Variants in CRB1 observed in about 807,000 individuals in gnomAD.
CRB1 encodes crumbs cell polarity complex component 1.
Under a neutral mutation model 120.0 loss-of-function variants are expected in CRB1, and 83 were observed. That is an observed-to-expected ratio of 0.69 (90% CI 0.58 to 0.83). The LOEUF (loss-of-function observed/expected upper bound fraction) is 0.83. CRB1 is among the 40% of genes least tolerant of loss of function. The pLI, the probability that CRB1 is intolerant of heterozygous loss-of-function variation, is 0.00. For missense variants in CRB1, 1,699 were observed against 1,687.6 expected, an observed-to-expected ratio of 1.01 and a Z score of -0.12; for synonymous variants, 625 against 612.5, an observed-to-expected ratio of 1.02 and a Z score of -0.30.
At chr1:197,455,541 T>C (rs1178405516) in intron 11 of CRB1, among the ~76,000 whole-genome samples, 1 of 152,146 alleles carries the variant, frequency 6.6e-6, no homozygotes, top group Non-Finnish European at 1.5e-5. Context: ...TTTTATAACT[T>C]ACATTGCCTT....
intron 1 of CRB1, among the ~76,000 whole-genome samples, chr1:197,271,654 T>C (rs760652835): frequency 4.6e-5 from 7 of 152,206 alleles, no homozygotes; most frequent in Non-Finnish European, 1.0e-4. Flanking sequence ...GAGAAACTTA[T>C]TAGAGTGAGA....
rs778669324 is a variant in CRB1, at chr1:197,435,466, A to T, written c.3603A>T (p.Thr1201=). 28 of 1,598,700 alleles carry T rather than the reference A, an allele frequency of 1.8e-5. No homozygotes were observed. Among genetic ancestry groups the T allele is most frequent in the Non-Finnish European group, 2.3e-5 (27 of 1,172,022 alleles). ...ACAGAGTTGCAGCCTACCACTGCAC[A>T]TGTGAGCCTGGATACACTGGTGTGA... ...CSDRVAAYHC[T]CEPGYTGVNC... Residue 1201 remains threonine, a synonymous_variant, in exon 9 of 12, where the codon ACA becomes ACT. Coordinates refer to ENST00000367400, the MANE Select transcript of CRB1 (RefSeq NM_201253.3).
chr1:197,438,690 A>G lies in CRB1; in HGVS notation c.3878+15A>G, dbSNP rs200217112. ...ACTGGAGAATGGTGAGTCACATTAG[A>G]GCCTTCTGGAAGAGAATTCTGAGCT... On this transcript the variant is annotated intron_variant, in intron 10 of 11. Coordinates refer to ENST00000367400, the MANE Select transcript of CRB1 (RefSeq NM_201253.3). 6.2e-7 allele frequency: 1 copy of G among 1,611,100 alleles called. No homozygotes were observed. Among genetic ancestry groups the G allele is most frequent in the South Asian group, 1.1e-5 (1 of 91,024 alleles).
At chr1:197,216,080 C>T in the CRB1 span, among the ~76,000 whole-genome samples, 1 of 152,172 alleles carries the variant, frequency 6.6e-6, no homozygotes, top group Non-Finnish European at 1.5e-5. Flanking sequence ...TGCCTCCCAT[C>T]TGGCCTTCTG....
chr1:197,228,465 A>G, the CRB1 span, among the ~76,000 whole-genome samples: 9 of 152,202 alleles, frequency 5.9e-5, no homozygotes, highest in Admixed American at 3.9e-4. Context: ...TTGCTAAAAC[A>G]TAGCAAGAGT....
At chr1:197,290,583 C>A (rs1223211623) in intron 1 of CRB1, among the ~76,000 whole-genome samples, 1 of 151,664 alleles carries the variant, frequency 6.6e-6, no homozygotes, top group African/African-American at 2.4e-5. Context: ...CCTCTATCAG[C>A]CAACAGGACA....
chr1:197,476,670 A>G (rs1418236546), intron 11 of CRB1, among the ~76,000 whole-genome samples: 1 of 152,136 alleles, frequency 6.6e-6, no homozygotes, highest in Non-Finnish European at 1.5e-5. Context: ...TAAGGATAGA[A>G]AAGATATTTA....
chr1:197,269,844 C>T (rs1009892479), intron 1 of CRB1, among the ~76,000 whole-genome samples: 1 of 151,960 alleles, frequency 6.6e-6, no homozygotes, highest in African/African-American at 2.4e-5. Flanking sequence ...AAATATATAT[C>T]ATTTGTTTTT....
At chr1:197,407,911 T>G (rs573037079) in intron 5 of CRB1, among the ~76,000 whole-genome samples, 1 of 152,300 alleles carries the variant, frequency 6.6e-6, no homozygotes, top group South Asian at 2.1e-4. Flanking sequence ...GAATAAAGAC[T>G]AAAGTTGTCT....
chr1:197,345,340 CA>C (rs1659702598), intron 3 of CRB1, among the ~76,000 whole-genome samples: 1 of 151,986 alleles, frequency 6.6e-6, no homozygotes, highest in African/African-American at 2.4e-5. Context: ...AAGACGCCCG[CA>C]AGTTCACACA....
the CRB1 span, among the ~76,000 whole-genome samples, chr1:197,207,687 A>G: frequency 1.3e-5 from 2 of 152,034 alleles, no homozygotes; most frequent in Admixed American, 6.5e-5. Flanking sequence ...CTTTATGACT[A>G]TGTGCCTAGG....
At chr1:197,348,597 C>A (rs1251262941) in intron 4 of CRB1, among the ~76,000 whole-genome samples, 2 of 152,174 alleles carry the variant, frequency 1.3e-5, no homozygotes, top group African/African-American at 4.8e-5. Flanking sequence ...CTGCCTCAGC[C>A]TCCCGAGTAG....
the CRB1 span, among the ~76,000 whole-genome samples, chr1:197,254,362 G>C: frequency 6.6e-6 from 1 of 152,074 alleles, no homozygotes; most frequent in African/African-American, 2.4e-5. Flanking sequence ...ATACTATAGG[G>C]AGCTAAAGGT....
At chr1:197,254,223 G>A in the CRB1 span, among the ~76,000 whole-genome samples, 1 of 152,062 alleles carries the variant, frequency 6.6e-6, no homozygotes, top group African/African-American at 2.4e-5. Flanking sequence ...ATTTGCCTGG[G>A]AAAGCAACCC....
intron 1 of CRB1, among the ~76,000 whole-genome samples, chr1:197,290,597 A>G (rs1027686738): frequency 7.3e-5 from 11 of 151,648 alleles, no homozygotes; most frequent in African/African-American, 2.7e-4. Context: ...CAGGACAGAC[A>G]CAGTATGAAC....
At chr1:197,411,277 T>C (rs1663699288) in intron 5 of CRB1, among the ~76,000 whole-genome samples, 1 of 152,204 alleles carries the variant, frequency 6.6e-6, no homozygotes, top group Non-Finnish European at 1.5e-5. Flanking sequence ...TCATCGGTCA[T>C]GACAGCCCCA....
intron 4 of CRB1, among the ~76,000 whole-genome samples, chr1:197,348,936 AG>A (rs1659935569): frequency 6.6e-6 from 1 of 152,202 alleles, no homozygotes; most frequent in Non-Finnish European, 1.5e-5. Flanking sequence ...ATAAACCTAG[AG>A]TAGCCTAAGC....
At chr1:197,284,198 C>T (rs926057127) in intron 1 of CRB1, among the ~76,000 whole-genome samples, 13 of 151,876 alleles carry the variant, frequency 8.6e-5, no homozygotes, top group Non-Finnish European at 1.5e-5. Context: ...CTTCATCAAG[C>T]ACCAATTTTA....
chr1:197,476,124 G>T (rs1236332811), intron 11 of CRB1, among the ~76,000 whole-genome samples: 4 of 151,890 alleles, frequency 2.6e-5, no homozygotes, highest in Non-Finnish European at 5.9e-5. Context: ...TGGCCAGGCT[G>T]GTCTCGAACT....
Sources: gnomAD v4.1 joint callset for allele counts (sites outside exome capture counted in the v4.1 genomes callset) on GRCh38, gnomAD v4.1.1 for gene constraint, MANE v1.5 for transcripts, NCBI Gene and HGNC (gene_info 2026-07-23, HGNC 2026-07-21) for gene names.